The following TBL1X variants were observed in gnomAD, a reference collection of about 807,000 sequenced individuals.
TBL1X encodes F-box-like/WD repeat-containing protein TBL1X.
Under a neutral mutation model 50.7 loss-of-function variants are expected in TBL1X, and 10 were observed. That is an observed-to-expected ratio of 0.20 (90% CI 0.12 to 0.33). The LOEUF is 0.33. Among genes scored for constraint, TBL1X ranks in the 10% least tolerant of loss-of-function variants. The pLI, the probability that TBL1X is intolerant of heterozygous loss-of-function variation, is 1.00. For missense variants in TBL1X, 340 were observed against 504.4 expected (o/e 0.67, Z 3.12); for synonymous variants, 190 against 214.7 (o/e 0.88, Z 1.01).
chrX:9,482,444 A>G (rs2081888345), intron 1 of TBL1X, among the ~76,000 whole-genome samples: 1 of 112,197 alleles, frequency 8.9e-6, no homozygotes, highest in African/African-American at 3.2e-5. Context: ...TAGGACTTGG[A>G]CACTGACTAA....
At chrX:9,585,334 C>T (rs1443974279) in intron 2 of TBL1X, among the ~76,000 whole-genome samples, 1 of 77,439 alleles carries the variant, frequency 1.3e-5, no homozygotes, top group African/African-American at 5.4e-5. Context: ...TGCCACCCCC[C>T]TCCCCTCCCC....
intron 2 of TBL1X, among the ~76,000 whole-genome samples, chrX:9,589,591 T>C (rs1386631976): frequency 9.0e-6 from 1 of 111,490 alleles, no homozygotes; most frequent in East Asian, 2.8e-4. Flanking sequence ...ACACTAAGCA[T>C]TGCGCTTGCT....
At chrX:9,498,113 CTT>C (rs2081982245) in intron 1 of TBL1X, among the ~76,000 whole-genome samples, 1 of 110,993 alleles carries the variant, frequency 9.0e-6, no homozygotes, top group African/African-American at 3.3e-5. Context: ...CTTTTTTTGT[CTT>C]TTGTTCAAAT....
intron 2 of TBL1X, among the ~76,000 whole-genome samples, chrX:9,575,836 C>G (rs1317464186): frequency 9.0e-6 from 1 of 111,662 alleles, no homozygotes; most frequent in Non-Finnish European, 1.9e-5. Context: ...TGTGCAGAAA[C>G]TCTTAAGCTA....
rs780287776 is a variant in TBL1X at position 9,495,319 on chromosome X, A to G, written c.-200-6461A>G. On this transcript the variant is annotated intron_variant, in intron 1 of 17. Coordinates refer to ENST00000645353, the MANE Select transcript of TBL1X (RefSeq NM_005647.4). ...CGGAGGAGCAGGAGAAATGGTGCAC[A>G]AGGGAGAGGGGATAATGACAGGTCA... Among the ~76,000 whole-genome samples, 145 of 111,111 alleles carry G rather than the reference A, an allele frequency of 1.3e-3. 1 individual carries two copies. Among genetic ancestry groups the G allele is most frequent in the Non-Finnish European group, 2.4e-3 (127 of 53,024 alleles).
chrX:9,468,219 G>A (rs888463424), intron 1 of TBL1X, among the ~76,000 whole-genome samples: 1 of 111,841 alleles, frequency 8.9e-6, no homozygotes, highest in African/African-American at 3.3e-5. Context: ...CATGATAGGC[G>A]GCGGGTTCAG....
At chrX:9,554,584 A>C (rs1470186953) in intron 2 of TBL1X, among the ~76,000 whole-genome samples, 1 of 112,524 alleles carries the variant, frequency 8.9e-6, no homozygotes, top group Non-Finnish European at 1.9e-5. Context: ...CGCAGATCCC[A>C]GAGCAAATGA....
chrX:9,698,791 G>C (rs147168703), intron 12 of TBL1X, among the ~76,000 whole-genome samples: 1 of 112,051 alleles, frequency 8.9e-6, no homozygotes, highest in Non-Finnish European at 1.9e-5. Flanking sequence ...AGCCTCTGTA[G>C]GGAGATCAGC....
chrX:9,488,165 A>G (rs1010544560), intron 1 of TBL1X, among the ~76,000 whole-genome samples: 1 of 112,212 alleles, frequency 8.9e-6, no homozygotes, highest in Non-Finnish European at 1.9e-5. Flanking sequence ...GGTTGGTGTT[A>G]TAATTGATCA....
rs191495954 is a variant in TBL1X at position 9,631,305 on chromosome X, G to A, written c.-130-8968G>A. On this transcript the variant is annotated intron_variant, in intron 2 of 17. Coordinates refer to ENST00000645353, the MANE Select transcript of TBL1X (RefSeq NM_005647.4). ...CTCTCCTTCCTCGCACTCTTCACCC[G>A]GCAGTAGCCCACAGTGTCTGCTGTT... Among the ~76,000 whole-genome samples the A allele has an allele frequency of 3.0e-3, 339 of 111,262 alleles. 1 individual carries two copies. Among genetic ancestry groups the A allele is most frequent in the African/African-American group, 0.01 (313 of 30,553 alleles).
chrX:9,575,275 C>T lies in TBL1X; in HGVS notation c.-130-64998C>T, dbSNP rs897797912. ...ATGACCCAATCACCTCCACCAGGTC[C>T]CTCCCCTGACGTGTGGGGATTACAG... On this transcript the variant is annotated intron_variant, in intron 2 of 17. Coordinates refer to ENST00000645353, the MANE Select transcript of TBL1X (RefSeq NM_005647.4). Among the ~76,000 whole-genome samples the T allele has an allele frequency of 8.1e-5, 9 of 111,316 alleles. No individual in the cohort carries two copies. The Admixed American group carries it at 8.5e-4, about 11-fold the overall frequency.
At chrX:9,705,239 T>C (rs1309155308) in intron 13 of TBL1X, 125 bp downstream of exon 13, 1 of 1,104,763 alleles carries the variant, frequency 9.1e-7, no homozygotes, top group Admixed American at 2.6e-5. Flanking sequence ...CCTTGGCTAT[T>C]TGAGCTGTCA....
chrX:9,492,600 C>T (rs964510118), intron 1 of TBL1X, among the ~76,000 whole-genome samples: 1 of 111,227 alleles, frequency 9.0e-6, no homozygotes, highest in Non-Finnish European at 1.9e-5. Context: ...AACCAATGTC[C>T]GTTTTTGGAA....
At chrX:9,686,023 G>C (rs1371652369) in intron 6 of TBL1X, among the ~76,000 whole-genome samples, 1 of 111,754 alleles carries the variant, frequency 8.9e-6, no homozygotes, top group African/African-American at 3.3e-5. Context: ...CCCAGTCCCT[G>C]TTTTCTTTCT....
intron 2 of TBL1X, among the ~76,000 whole-genome samples, chrX:9,555,444 G>C (rs992531090): frequency 3.6e-5 from 4 of 111,620 alleles, no homozygotes; most frequent in Non-Finnish European, 7.5e-5. Flanking sequence ...TGATTCATCA[G>C]TTTATGGACA....
intron 2 of TBL1X, among the ~76,000 whole-genome samples, chrX:9,518,403 C>T (rs2082091282): frequency 1.8e-5 from 2 of 112,175 alleles, no homozygotes; most frequent in Non-Finnish European, 3.8e-5. Flanking sequence ...TTCTTCATTT[C>T]CACCCTACTC....
At chrX:9,571,226 C>T (rs998314002) in intron 2 of TBL1X, among the ~76,000 whole-genome samples, 9 of 111,479 alleles carry the variant, frequency 8.1e-5, no homozygotes, top group African/African-American at 2.6e-4. Context: ...GGCCTTTCCT[C>T]GGAGCGTCTG....
intron 5 of TBL1X, among the ~76,000 whole-genome samples, chrX:9,672,737 C>T (rs991698253): frequency 8.9e-6 from 1 of 111,872 alleles, no homozygotes; most frequent in Non-Finnish European, 1.9e-5. Context: ...TTGAATGACA[C>T]TTCACGAGCA....
intron 2 of TBL1X, among the ~76,000 whole-genome samples, chrX:9,535,490 C>G (rs886072271): frequency 8.9e-6 from 1 of 112,246 alleles, no homozygotes; most frequent in African/African-American, 3.2e-5. Flanking sequence ...CCCTGCATAC[C>G]TGATCGTGAA....
Sources: gnomAD v4.1 joint callset for allele counts (sites outside exome capture counted in the v4.1 genomes callset) on GRCh38, gnomAD v4.1.1 for gene constraint, MANE v1.5 for transcripts, NCBI Gene and HGNC (gene_info 2026-07-23, HGNC 2026-07-21) for gene names.